Variants in LCOR observed in about 807,000 individuals in gnomAD.
LCOR encodes the protein ligand dependent nuclear receptor corepressor, also known as ligand-dependent corepressor.
A neutral mutation model predicts 64.4 loss-of-function variants in LCOR; 14 were observed. The observed-to-expected ratio is 0.22, with a 90% confidence interval of 0.14 to 0.34. The LOEUF (loss-of-function observed/expected upper bound fraction) is 0.34, where lower values mean the gene tolerates loss of function less well. Among genes scored for constraint, LCOR ranks in the 10% least tolerant of loss-of-function variants. The pLI is 1.00. For synonymous variants in LCOR, 643 were observed against 642.5 expected (o/e 1.00, Z -0.01); for missense variants, 1,686 against 1,765.3 (o/e 0.96, Z 0.80).
intron 2 of LCOR, among the ~76,000 whole-genome samples, chr10:96,848,395 C>T (rs191309065): frequency 3.9e-5 from 6 of 152,164 alleles, no homozygotes; most frequent in Non-Finnish European, 7.3e-5. Flanking sequence ...TGGTGGCTCA[C>T]GCCTGTAATC....
chr10:96,865,966 C>T (rs544528213), intron 2 of LCOR, among the ~76,000 whole-genome samples: 3 of 151,934 alleles, frequency 2.0e-5, no homozygotes, highest in African/African-American at 4.8e-5. Flanking sequence ...TCTCTTACTG[C>T]CACAGTAACT....
intron 4 of LCOR, among the ~76,000 whole-genome samples, chr10:96,934,545 C>G (rs1165984682): frequency 3.3e-5 from 5 of 152,244 alleles, no homozygotes; most frequent in African/African-American, 1.2e-4. Flanking sequence ...GTCTCTGCAT[C>G]CTGAAGGAAG....
At chr10:96,974,888 G>T (rs937890409) in intron 7 of LCOR, among the ~76,000 whole-genome samples, 2 of 152,322 alleles carry the variant, frequency 1.3e-5, no homozygotes, top group South Asian at 4.1e-4. Context: ...GGTGCTATTG[G>T]CCGGGTGCTG....
rs992657554 is a variant in LCOR, at chr10:96,994,259, A to G, written c.*9125A>G. The G allele has an allele frequency of 3.9e-5, 6 of 152,290 alleles. No individual in the cohort carries two copies. The highest frequency in any genetic ancestry group is 2.0e-4 in the Admixed American group (3 of 15,302). The allele number at this position is 152,290 out of a possible 1,614,324, so 9.4% of individuals were successfully genotyped here. On this transcript the variant is annotated 3_prime_UTR_variant, in exon 8 of 8. Coordinates refer to ENST00000421806, the MANE Select transcript of LCOR (RefSeq NM_001346516.2). ...CTACCTTTAAAACCTAGCCCATTTC[A>G]TATCAGCCTCTTCTGTGCCTGGGCT...
At chr10:96,975,386 C>A (rs765260939) in intron 7 of LCOR, among the ~76,000 whole-genome samples, 2 of 152,170 alleles carry the variant, frequency 1.3e-5, no homozygotes, top group South Asian at 2.1e-4. Context: ...GTGGGCTCAT[C>A]ATGCCTATGT....
chr10:96,955,537 A>C, intron 7 of LCOR: 1 of 1,614,164 alleles, frequency 6.2e-7, no homozygotes, highest in Non-Finnish European at 8.5e-7. Flanking sequence ...AGCATGTTAG[A>C]TGCTGGACCC....
intron 7 of LCOR, chr10:96,957,667 A>G: frequency 5.1e-6 from 5 of 985,428 alleles, no homozygotes; most frequent in Non-Finnish European, 6.0e-6. Context: ...TTTCCAAGGC[A>G]TAAATTCTTG....
At chr10:96,915,889 CT>C in intron 4 of LCOR, 1 of 452,586 alleles carries the variant, frequency 2.2e-6, no homozygotes, top group South Asian at 2.0e-5. Context: ...CCCCTTCAGC[CT>C]TTCTCTAGGC....
intron 2 of LCOR, among the ~76,000 whole-genome samples, chr10:96,894,200 T>A (rs1846497965): frequency 6.6e-6 from 1 of 152,186 alleles, no homozygotes; most frequent in African/African-American, 2.4e-5. Context: ...CACACCATTC[T>A]CCTGTGTCAG....
chr10:96,897,813 TG>T (rs1244927914), intron 2 of LCOR, among the ~76,000 whole-genome samples: 1 of 152,016 alleles, frequency 6.6e-6, no homozygotes, highest in African/African-American at 2.4e-5. Context: ...AATTATGTTC[TG>T]GTTTTAGTCT....
intron 7 of LCOR, chr10:96,954,831 TAAATA>T: frequency 3.4e-6 from 2 of 589,232 alleles, no homozygotes; most frequent in Non-Finnish European, 5.6e-6. Flanking sequence ...TAGAGAAAAA[TAAATA>T]AATAACACAA....
Position 96,984,026 on chromosome 10 carries a change from A to G in LCOR, c.3566A>G (p.Glu1189Gly). The G allele has an allele frequency of 6.2e-7, 1 of 1,614,120 alleles. No individual in the cohort carries two copies. The highest frequency in any genetic ancestry group is 8.5e-7 in the Non-Finnish European group (1 of 1,180,008). ...KLSNVCKWFL[E>G]TTETRSLVIV... Reference sequence around the variant, plus strand: ...TCTAATGTTTGTAAATGGTTCTTAGAGACAACTGAAACCCGGTCTCTAGTC... The same window carrying G: ...TCTAATGTTTGTAAATGGTTCTTAGGGACAACTGAAACCCGGTCTCTAGTC... Residue 1189 changes from glutamate to glycine, a missense_variant, in exon 8 of 8, where the codon GAG becomes GGG. By Grantham distance (98) the Glu-to-Gly change is moderately conservative. Transcript: ENST00000421806.
intron 2 of LCOR, among the ~76,000 whole-genome samples, chr10:96,890,907 A>T (rs1341232312): frequency 6.6e-6 from 1 of 151,992 alleles, no homozygotes; most frequent in Admixed American, 6.6e-5. Flanking sequence ...TAATTCCATG[A>T]TGGATGGTCA....
chr10:96,946,824 T>A (rs1461930325), intron 5 of LCOR, among the ~76,000 whole-genome samples: 7 of 152,142 alleles, frequency 4.6e-5, no homozygotes, highest in Non-Finnish European at 1.0e-4. Flanking sequence ...TATCTTTGAC[T>A]CTTCACAGAG....
intron 7 of LCOR, chr10:96,955,891 C>T: frequency 1.2e-6 from 2 of 1,613,734 alleles, no homozygotes; most frequent in Non-Finnish European, 1.7e-6. Context: ...GGAGAGGCAG[C>T]ACAAAGTGCA....
chr10:96,956,429 A>G (rs1847785026), intron 7 of LCOR: 2 of 985,250 alleles, frequency 2.0e-6, no homozygotes, highest in Admixed American at 6.1e-5. Context: ...TAAACTAAAG[A>G]AAAAACTAAG....
intron 4 of LCOR, among the ~76,000 whole-genome samples, chr10:96,921,776 C>T (rs1359541708): frequency 6.6e-6 from 1 of 152,202 alleles, no homozygotes; most frequent in African/African-American, 2.4e-5. Flanking sequence ...GCTTCATTAG[C>T]AGCATGTGGA....
At chr10:96,857,855 C>G (rs1409261748) in intron 2 of LCOR, among the ~76,000 whole-genome samples, 1 of 152,096 alleles carries the variant, frequency 6.6e-6, no homozygotes, top group Non-Finnish European at 1.5e-5. Flanking sequence ...ATATCTGATC[C>G]CAGGCTATTG....
At chr10:96,967,119 A>G (rs926590498) in intron 7 of LCOR, among the ~76,000 whole-genome samples, 2 of 152,158 alleles carry the variant, frequency 1.3e-5, no homozygotes, top group African/African-American at 4.8e-5. Flanking sequence ...CATCAGCAGT[A>G]TGGAGTGATA....
Sources: gnomAD v4.1 joint callset for allele counts (sites outside exome capture counted in the v4.1 genomes callset) on GRCh38, gnomAD v4.1.1 for gene constraint, MANE v1.5 for transcripts, NCBI Gene and HGNC (gene_info 2026-07-23, HGNC 2026-07-21) for gene names.